ERAP1: variants seen among roughly 807,000 people sequenced by gnomAD.
The protein encoded by ERAP1 is endoplasmic reticulum aminopeptidase 1.
Under a neutral mutation model 103.7 loss-of-function variants are expected in ERAP1, and 86 were observed. The observed-to-expected ratio is 0.83, with a 90% CI of 0.70 to 0.99. The LOEUF (loss-of-function observed/expected upper bound fraction) is 0.99. ERAP1 is among the 50% of genes least tolerant of loss of function. The probability of loss-of-function intolerance (pLI) is 0.00; values close to 1 mark genes in which losing one functional copy is unlikely to be tolerated. For missense variants in ERAP1, 1,009 were observed against 1,128.4 expected, an observed-to-expected ratio of 0.89 and a Z score of 1.52; for synonymous variants, 398 against 402.4, an observed-to-expected ratio of 0.99 and a Z score of 0.13.
At chr5:96,891,289 C>T in the ERAP1 span, among the ~76,000 whole-genome samples, 5 of 151,294 alleles carry the variant, frequency 3.3e-5, no homozygotes, top group Admixed American at 1.3e-4. Context: ...TTTTAGCCTA[C>T]GTGAAATCAT....
chr5:96,901,410 C>G, the ERAP1 span: 696,903 of 1,349,210 alleles, frequency 0.52, 181,785 homozygotes, highest in Middle Eastern at 0.61. Flanking sequence ...GTTCCCCAAG[C>G]CTTGTTTCTG....
At chr5:96,912,182 C>A in the ERAP1 span, among the ~76,000 whole-genome samples, 1 of 140,644 alleles carries the variant, frequency 7.1e-6, no homozygotes, top group Non-Finnish European at 1.5e-5. Context: ...CAGTGAGACT[C>A]CACCTCAAAA....
chr5:96,841,744 CTTCTT>C, the ERAP1 span, among the ~76,000 whole-genome samples: 6 of 59,628 alleles, frequency 1.0e-4, no homozygotes, highest in Admixed American at 1.4e-3. Context: ...TTCTCTTCTT[CTTCTT>C]TTTTTTTTTT....
At chr5:96,905,957 T>TC in the ERAP1 span, among the ~76,000 whole-genome samples, 1 of 151,244 alleles carries the variant, frequency 6.6e-6, no homozygotes, top group African/African-American at 2.4e-5. Flanking sequence ...TTTTTTTTTT[T>TC]TTGTAGAGAC....
chr5:96,817,927 T>C, the ERAP1 span, among the ~76,000 whole-genome samples: 43 of 152,358 alleles, frequency 2.8e-4, no homozygotes, highest in African/African-American at 9.4e-4. Flanking sequence ...TTCCCGACTC[T>C]GCAGTGGTGT....
rs759151369 is a variant in ERAP1, at chr5:96,762,277, T to C, written c.*923A>G. The C allele has an allele frequency of 1.7e-5, 27 of 1,601,162 alleles. No homozygotes were observed. The Admixed American group carries it at 3.6e-4, about 21-fold the overall frequency. ...ATAAAATTTTTTTCAATAAAAGAAA[T>C]TTGAAGATGCTAAACTTGCTGCTGC... is the stretch of plus-strand genomic sequence containing the variant. On this transcript the variant is annotated 3_prime_UTR_variant, in exon 20 of 20. Coordinates refer to the ERAP1 transcript ENST00000296754.
chr5:96,904,550 C>A, the ERAP1 span, among the ~76,000 whole-genome samples: 1 of 152,114 alleles, frequency 6.6e-6, no homozygotes, highest in Non-Finnish European at 1.5e-5. Context: ...GGAGGCATAG[C>A]TCATTGGAGG....
the ERAP1 span, among the ~76,000 whole-genome samples, chr5:96,830,201 T>C: frequency 3.9e-5 from 6 of 152,306 alleles, no homozygotes; most frequent in Admixed American, 6.5e-5. Flanking sequence ...ATGTACAGAC[T>C]GCAGACCAGC....
rs1264328154 is a variant in ERAP1 at position 96,783,101 on chromosome 5, C to T, written c.2235G>A (p.Gln745=). 3 of 1,614,122 alleles carry T rather than the reference C, an allele frequency of 1.9e-6. No homozygotes were observed. The African/African-American group carries it at 4.0e-5, about 22-fold the overall frequency. The part of the protein sequence containing the change: ...ACVHNYQPCV[Q]RAEGYFRKWK... The stretch of plus-strand genomic sequence containing the variant: ...ACTTTCTGAAATAGCCTTCTGCCCT[C>T]TGTACGCACGGCTGATAGTTGTGCA... The change falls in exon 15 of 19, where the codon CAG becomes CAA. Residue 745 remains glutamine (Q), a synonymous_variant. Coordinates refer to ENST00000443439, the MANE Select transcript of ERAP1 (RefSeq NM_001040458.3).
upstream of ERAP1, chr5:96,808,058 G>A (rs1158329572): frequency 1.0e-6 from 1 of 985,392 alleles, no homozygotes; most frequent in Admixed American, 6.1e-5. Flanking sequence ...AACGGGAGTG[G>A]GGCCGAGCGA....
chr5:96,887,128 T>C, the ERAP1 span, among the ~76,000 whole-genome samples: 51 of 144,846 alleles, frequency 3.5e-4, no homozygotes, highest in African/African-American at 1.1e-3. Flanking sequence ...CACACACACA[T>C]ACATATATAC....
the ERAP1 span, chr5:96,814,105 C>A: frequency 2.9e-6 from 1 of 348,438 alleles, no homozygotes; most frequent in South Asian, 2.3e-5. Flanking sequence ...AAGATGATGA[C>A]TGGAGCTGCA....
chr5:96,861,512 G>T, the ERAP1 span, among the ~76,000 whole-genome samples: 1 of 152,158 alleles, frequency 6.6e-6, no homozygotes, highest in Non-Finnish European at 1.5e-5. Context: ...CAGCTCCAAA[G>T]GTACTTGAAG....
At chr5:96,885,677 C>T in the ERAP1 span, among the ~76,000 whole-genome samples, 1 of 152,230 alleles carries the variant, frequency 6.6e-6, no homozygotes, top group East Asian at 1.9e-4. Context: ...ACAAGCCTGA[C>T]TCCCAGAAAG....
At chr5:96,896,568 A>G in the ERAP1 span, 1 of 1,563,926 alleles carries the variant, frequency 6.4e-7, no homozygotes, top group Non-Finnish European at 8.7e-7. Context: ...CTATAGAATC[A>G]GCAGTTTAAG....
At chr5:96,811,016 T>G (rs1231471021), upstream of ERAP1, among the ~76,000 whole-genome samples, 1 of 152,208 alleles carries the variant, frequency 6.6e-6, no homozygotes, top group Admixed American at 6.5e-5. Context: ...CCTTGCCCAC[T>G]GCTATCCGGC....
the ERAP1 span, among the ~76,000 whole-genome samples, chr5:96,868,710 CA>C: frequency 0.085 from 13,005 of 152,116 alleles, 710 homozygotes; most frequent in Non-Finnish European, 0.12. Context: ...CCCGAGTTTC[CA>C]ATTAATTCCA....
chr5:96,918,297 C>T, the ERAP1 span: 2 of 152,254 alleles, frequency 1.3e-5, no homozygotes, highest in African/African-American at 4.8e-5. Context: ...ATTTTTTTAA[C>T]CTTGCTTAGT....
the ERAP1 span, among the ~76,000 whole-genome samples, chr5:96,848,101 T>G: frequency 6.6e-6 from 1 of 152,170 alleles, no homozygotes; most frequent in Non-Finnish European, 1.5e-5. Flanking sequence ...CAGGCTGGAG[T>G]GCAGTGGTGC....
Sources: gnomAD v4.1 joint callset for allele counts (sites outside exome capture counted in the v4.1 genomes callset) on GRCh38, gnomAD v4.1.1 for gene constraint, MANE v1.5 for transcripts, NCBI Gene and HGNC (gene_info 2026-07-23, HGNC 2026-07-21) for gene names.